The following APOL6 variants were observed in gnomAD, a reference collection of about 807,000 sequenced individuals.
APOL6 encodes the protein apolipoprotein L, 6.
In APOL6, 1 loss-of-function variant was observed where a neutral mutation model predicts 2.4. The observed-to-expected ratio is 0.41, with a 90% confidence interval of 0.15 to 1.94. APOL6 has a LOEUF of 1.94. Among genes scored for constraint, APOL6 ranks in the 30% most tolerant of loss-of-function variants. APOL6 has a pLI of 0.30. For synonymous variants in APOL6, 189 were observed against 169.3 expected (o/e 1.12, Z -0.90); for missense variants, 438 against 429.2 (o/e 1.02, Z -0.18).
At chr22:35,653,152 T>G (rs1027284230) in intron 1 of APOL6, among the ~76,000 whole-genome samples, 2 of 151,762 alleles carry the variant, frequency 1.3e-5, no homozygotes, top group African/African-American at 4.8e-5. Context: ...TTATTCTCTT[T>G]GAAGCAATTG....
rs1925142358 is a variant in APOL6 at position 35,665,194 on chromosome 22, G to T, written c.*5598G>T. 6.6e-6 allele frequency: 1 copy of T among 152,036 alleles called. No homozygotes were observed. Among genetic ancestry groups the T allele is most frequent in the East Asian group, 1.9e-4 (1 of 5,190 alleles). 9.4% of individuals were successfully genotyped at this position (152,036 alleles called of 1,614,324 possible). ...AGTTTTGGTTTGCTTAGGGAAGAAA[G>T]AGCTAATTTTTAAAAAATCAAGGTT... On this transcript the variant is annotated 3_prime_UTR_variant, in exon 3 of 3. Coordinates refer to ENST00000409652, the MANE Select transcript of APOL6 (RefSeq NM_030641.4).
rs1005720731 is a variant in APOL6, at chr22:35,661,065, G to C, written c.*1469G>C. On this transcript the variant is annotated 3_prime_UTR_variant, in exon 3 of 3. Transcript: ENST00000409652. ...CACAGGCTGTGGGAGGGGGTAGGGG[G>C]AGGAAGTCTGTGGTGAGCAAAGTTT... The C allele has an allele frequency of 6.6e-6, 1 of 152,140 alleles. No individual in the cohort carries two copies. The highest frequency in any genetic ancestry group is 1.5e-5 in the Non-Finnish European group (1 of 68,034). 9.4% of individuals were successfully genotyped at this position (152,140 alleles called of 1,614,324 possible).
intron 1 of APOL6, among the ~76,000 whole-genome samples, chr22:35,650,820 C>T (rs1271198809): frequency 2.6e-5 from 4 of 151,864 alleles, no homozygotes. Context: ...ATCCCAGCTA[C>T]TTGGTAGGCT....
intron 2 of APOL6, among the ~76,000 whole-genome samples, chr22:35,657,223 T>A (rs1924869086): frequency 6.6e-6 from 1 of 152,218 alleles, no homozygotes; most frequent in Non-Finnish European, 1.5e-5. Flanking sequence ...GAGATCAGGG[T>A]GGGCTAACCT....
chr22:35,661,365 AAAAAAAAAAAAAAAAAG>A lies in APOL6; in HGVS notation c.*1772_*1788del, dbSNP rs1009792676. 2.0e-5 allele frequency: 3 copies of A among 151,398 alleles called. No individual in the cohort carries two copies. Among genetic ancestry groups the A allele is most frequent in the African/African-American group, 7.3e-5 (3 of 41,318 alleles). The allele number at this position is 151,398 out of a possible 1,614,324, so 9.4% of individuals were successfully genotyped here. A position where few individuals can be genotyped will look rare whatever the true frequency, so the allele number is the denominator to read the frequency against. ...AGAATGAGACCCCATCTCAAAAAAA[AAAAAAAAAAAAAAAAAG>A]AAGAAGAATACAGTCATGTATCTCT... On this transcript the variant is annotated 3_prime_UTR_variant, in exon 3 of 3. Transcript: ENST00000409652.
Position 35,659,651 on chromosome 22 carries a change from A to G in APOL6, c.*55A>G. On this transcript the variant is annotated 3_prime_UTR_variant, in exon 3 of 3. Transcript: ENST00000409652. ...CTTGGAGGTCCAAATAATATCAAGT[A>G]CATCTTGGAGATGAGGGTGCCTGTC... 13 of 1,503,648 alleles carry G rather than the reference A, an allele frequency of 8.6e-6. No individual in the cohort carries two copies. The highest frequency in any genetic ancestry group is 1.2e-5 in the Non-Finnish European group (13 of 1,124,094). 93.1% of individuals were successfully genotyped at this position (1,503,648 alleles called of 1,614,324 possible).
intron 1 of APOL6, among the ~76,000 whole-genome samples, chr22:35,652,511 A>G (rs1256101418): frequency 1.3e-5 from 2 of 152,196 alleles, no homozygotes; most frequent in East Asian, 1.9e-4. Flanking sequence ...GTTTTCTTCT[A>G]GGGTTTTTAT....
rs1925067999 is a variant in APOL6, at chr22:35,662,874, T to C, written c.*3278T>C. 6.6e-6 allele frequency: 1 copy of C among 152,354 alleles called. No individual in the cohort carries two copies. 9.4% of individuals were successfully genotyped at this position (152,354 alleles called of 1,614,324 possible). On this transcript the variant is annotated 3_prime_UTR_variant, in exon 3 of 3. Transcript: ENST00000409652. The stretch of plus-strand genomic sequence containing the variant: ...ACAATTTGCTGAGGTCTGAGAGGAC[T>C]CCCTCCAGAAAATCCCTGATCTCTT...
chr22:35,658,587 G>A, intron 2 of APOL6, 28 bp from the exon 3 acceptor site: 5 of 1,553,490 alleles, frequency 3.2e-6, no homozygotes, highest in Non-Finnish European at 3.5e-6. Context: ...GGAAGCTGAA[G>A]CAAAATCTTT....
chr22:35,655,128 A>T (rs1285370119), intron 1 of APOL6, among the ~76,000 whole-genome samples: 1 of 152,150 alleles, frequency 6.6e-6, no homozygotes, highest in Non-Finnish European at 1.5e-5. Context: ...GAAGGTGGCT[A>T]TATAAGCAGG....
chr22:35,655,614 C>A (rs1201006284), intron 1 of APOL6, among the ~76,000 whole-genome samples: 1 of 151,910 alleles, frequency 6.6e-6, no homozygotes, highest in Non-Finnish European at 1.5e-5. Flanking sequence ...TTTGTTTATT[C>A]TTCTGTTGAT....
intron 1 of APOL6, among the ~76,000 whole-genome samples, chr22:35,650,922 T>A (rs1373470758): frequency 6.8e-6 from 1 of 147,894 alleles, no homozygotes; most frequent in Non-Finnish European, 1.5e-5. Context: ...AAGAGCAAAA[T>A]TCAGTCTCAA....
At chr22:35,656,875 C>A (rs1230577914) in intron 2 of APOL6, among the ~76,000 whole-genome samples, 1 of 152,148 alleles carries the variant, frequency 6.6e-6, no homozygotes, top group African/African-American at 2.4e-5. Flanking sequence ...TGTAAATCAG[C>A]AGACGTAGCA....
intron 1 of APOL6, among the ~76,000 whole-genome samples, chr22:35,653,930 G>A (rs1023372101): frequency 6.6e-6 from 1 of 152,278 alleles, no homozygotes; most frequent in Admixed American, 6.5e-5. Flanking sequence ...TGTCCAACTT[G>A]GTGACACATG....
intron 1 of APOL6, among the ~76,000 whole-genome samples, chr22:35,650,427 C>T (rs551378677): frequency 1.1e-4 from 16 of 152,088 alleles, no homozygotes; most frequent in Non-Finnish European, 1.6e-4. Context: ...AAATGAAATG[C>T]GACATGGCTT....
At chr22:35,655,450 A>T (rs1388992348) in intron 1 of APOL6, among the ~76,000 whole-genome samples, 1 of 152,156 alleles carries the variant, frequency 6.6e-6, no homozygotes, top group East Asian at 1.9e-4. Context: ...ATTCATTTGC[A>T]TATTATTGAG....
In APOL6 at chr22:35,665,566, A is replaced by T. The variant is rs1379804180; in HGVS notation, c.*5970A>T. The T allele has an allele frequency of 6.6e-6, 1 of 152,222 alleles. No individual in the cohort carries two copies. The highest frequency in any genetic ancestry group is 1.5e-5 in the Non-Finnish European group (1 of 68,040). The allele number at this position is 152,222 out of a possible 1,614,324, so 9.4% of individuals were successfully genotyped here. A position where few individuals can be genotyped will look rare whatever the true frequency, so the allele number is the denominator to read the frequency against. ...ATCAGTATATGGACCCCTGTGTCTG[A>T]TTAGCAAGGTTTTCTTGAAGCATTA... On this transcript the variant is annotated 3_prime_UTR_variant, in exon 3 of 3. Transcript: ENST00000409652.
Position 35,663,963 on chromosome 22 carries a change from A to C in APOL6, c.*4367A>C, listed in dbSNP as rs964039842. 6.6e-6 allele frequency: 1 copy of C among 152,206 alleles called. No homozygotes were observed. The highest frequency in any genetic ancestry group is 2.4e-5 in the African/African-American group (1 of 41,454). 9.4% of individuals were successfully genotyped at this position (152,206 alleles called of 1,614,324 possible). On this transcript the variant is annotated 3_prime_UTR_variant, in exon 3 of 3. Coordinates refer to ENST00000409652, the MANE Select transcript of APOL6 (RefSeq NM_030641.4). ...TGTTTTAGTGCTAAAAATATGTAAA[A>C]GAGCTCTACTTGGCTTAAAGAAAAA...
chr22:35,658,936 C>T lies in APOL6; in HGVS notation c.372C>T (p.Ser124=), dbSNP rs2145957862. 1.2e-6 allele frequency: 2 copies of T among 1,613,952 alleles called. No homozygotes were observed. The highest frequency in any genetic ancestry group is 2.2e-5 in the East Asian group (1 of 44,858). Residue 124 remains serine, a synonymous_variant, in exon 3 of 3, where the codon AGC becomes AGT. Coordinates refer to ENST00000409652, the MANE Select transcript of APOL6 (RefSeq NM_030641.4). ...QGLATAAGVT[S]IVSGTLERSK... Reference sequence around the variant, plus strand: ...TGGCAACAGCAGCTGGGGTCACCAGCATCGTGAGTGGTACGTTGGAACGCT... The same window carrying T: ...TGGCAACAGCAGCTGGGGTCACCAGTATCGTGAGTGGTACGTTGGAACGCT...
Sources: allele counts gnomAD v4.1 joint callset (sites outside exome capture counted in the v4.1 genomes callset), GRCh38; gene constraint gnomAD v4.1.1; transcripts MANE v1.5; gene names NCBI Gene and HGNC (gene_info 2026-07-23, HGNC 2026-07-21).